The following ELAVL2 variants were observed in gnomAD, a reference collection of about 807,000 sequenced individuals.
The protein encoded by ELAVL2 is ELAV-like protein 2.
In ELAVL2, 4 loss-of-function variants were observed where a neutral mutation model predicts 34.6. That is an observed-to-expected ratio of 0.12 (90% confidence interval 0.06 to 0.26). The LOEUF is 0.26. Among genes scored for constraint, ELAVL2 ranks in the 10% least tolerant of loss-of-function variants. The pLI is 1.00. For synonymous variants in ELAVL2, 193 were observed against 154.8 expected, an observed-to-expected ratio of 1.25 and a Z score of -1.83; for missense variants, 432 against 442.8, an observed-to-expected ratio of 0.98 and a Z score of 0.22.
intron 1 of ELAVL2, among the ~76,000 whole-genome samples, chr9:23,804,355 C>A (rs2061950639): frequency 6.6e-6 from 1 of 151,872 alleles, no homozygotes; most frequent in Admixed American, 6.6e-5. Context: ...TGAACACTTT[C>A]AAAGAAAATA....
At chr9:23,833,286 C>T in the ELAVL2 span, among the ~76,000 whole-genome samples, 1 of 151,510 alleles carries the variant, frequency 6.6e-6, no homozygotes, top group South Asian at 2.1e-4. Flanking sequence ...TCCAATAATC[C>T]CATAACAAGA....
intron 1 of ELAVL2, among the ~76,000 whole-genome samples, chr9:23,773,357 C>T (rs531766446): frequency 6.7e-6 from 1 of 148,356 alleles, no homozygotes; most frequent in East Asian, 2.1e-4. Flanking sequence ...GGTCAATATG[C>T]TTAGATTGAT....
At chr9:23,704,846 G>T in intron 4 of ELAVL2, 72 bp downstream of exon 4, 1 of 1,577,562 alleles carries the variant, frequency 6.3e-7, no homozygotes, top group South Asian at 1.1e-5. Context: ...ACTGCTACAT[G>T]GAAAGACAGA....
rs1385893258 is a variant in ELAVL2, at chr9:23,692,397, T to C, written c.*160A>G. ...ATTTAAGAAGTTTTAATTCAAATACTAGCAATAAAAAATCTCACATATTTC... is the reference window on the plus strand; with the variant it reads ...ATTTAAGAAGTTTTAATTCAAATACCAGCAATAAAAAATCTCACATATTTC... On this transcript the variant is annotated 3_prime_UTR_variant, in exon 7 of 7. Transcript: ENST00000397312. The C allele has an allele frequency of 1.1e-5, 8 of 732,336 alleles. No homozygotes were observed. Among genetic ancestry groups the C allele is most frequent in the African/African-American group, 1.8e-5 (1 of 56,224 alleles). 45.4% of individuals were successfully genotyped at this position (732,336 alleles called of 1,614,324 possible).
At chr9:23,791,986 T>C (rs544128941) in intron 1 of ELAVL2, among the ~76,000 whole-genome samples, 8 of 152,318 alleles carry the variant, frequency 5.3e-5, no homozygotes, top group South Asian at 4.1e-4. Flanking sequence ...GGTATGCAAA[T>C]AGTCCCCAAC....
chr9:23,796,622 A>G (rs975495186), intron 1 of ELAVL2, among the ~76,000 whole-genome samples: 7 of 152,268 alleles, frequency 4.6e-5, no homozygotes, highest in Admixed American at 1.3e-4. Flanking sequence ...ATGGCTGTCT[A>G]TAAGTAAGAT....
chr9:23,777,022 G>A (rs2058317111), intron 1 of ELAVL2, among the ~76,000 whole-genome samples: 1 of 152,272 alleles, frequency 6.6e-6, no homozygotes, highest in African/African-American at 2.4e-5. Context: ...CCCATTTCCT[G>A]TTACAACTTC....
At chr9:23,746,134 T>C (rs2050422590) in intron 2 of ELAVL2, among the ~76,000 whole-genome samples, 1 of 152,160 alleles carries the variant, frequency 6.6e-6, no homozygotes, top group Non-Finnish European at 1.5e-5. Flanking sequence ...AGTAAATTGT[T>C]TGAAAGGCAC....
chr9:23,773,474 C>T (rs977545979), intron 1 of ELAVL2, among the ~76,000 whole-genome samples: 7 of 152,172 alleles, frequency 4.6e-5, no homozygotes, highest in African/African-American at 9.7e-5. Context: ...ACATTTGAAA[C>T]GAACGCTTAA....
chr9:23,729,012 A>G (rs191984540), intron 3 of ELAVL2, among the ~76,000 whole-genome samples: 2 of 152,138 alleles, frequency 1.3e-5, no homozygotes, highest in Non-Finnish European at 2.9e-5. Flanking sequence ...TCTTCCACAT[A>G]TTCAGCCCAA....
chr9:23,744,604 A>T (rs2135341549), intron 2 of ELAVL2, among the ~76,000 whole-genome samples: 1 of 152,290 alleles, frequency 6.6e-6, no homozygotes, highest in East Asian at 1.9e-4. Flanking sequence ...AACATTATTA[A>T]GGATTCTACT....
intron 1 of ELAVL2, among the ~76,000 whole-genome samples, chr9:23,768,985 C>T (rs2056830518): frequency 6.6e-6 from 1 of 152,086 alleles, no homozygotes; most frequent in Admixed American, 6.6e-5. Context: ...ATCTCTCAGG[C>T]TGGAAAGGTC....
At chr9:23,713,691 G>C (rs898732937) in intron 3 of ELAVL2, among the ~76,000 whole-genome samples, 2 of 152,134 alleles carry the variant, frequency 1.3e-5, no homozygotes, top group Non-Finnish European at 2.9e-5. Flanking sequence ...ATGTGAATAG[G>C]CTGCAACTGA....
chr9:23,728,371 C>T (rs1587795535), intron 3 of ELAVL2, among the ~76,000 whole-genome samples: 1 of 152,000 alleles, frequency 6.6e-6, no homozygotes, highest in East Asian at 1.9e-4. Flanking sequence ...AAGGGTATAC[C>T]AAAAAGTCGG....
At chr9:23,749,167 C>A (rs2051268413) in intron 2 of ELAVL2, among the ~76,000 whole-genome samples, 1 of 151,932 alleles carries the variant, frequency 6.6e-6, no homozygotes, top group African/African-American at 2.4e-5. Context: ...AAAAACATTT[C>A]TTTTTAAAGT....
chr9:23,761,562 ACATTAC>A (rs2055011576), intron 2 of ELAVL2, among the ~76,000 whole-genome samples: 1 of 152,100 alleles, frequency 6.6e-6, no homozygotes. Context: ...GACAATGTGA[ACATTAC>A]CATTTATTTT....
At chr9:23,740,783 G>A (rs749069341) in intron 2 of ELAVL2, among the ~76,000 whole-genome samples, 2 of 152,142 alleles carry the variant, frequency 1.3e-5, no homozygotes. Flanking sequence ...CATTTAAAAT[G>A]GGCCTTGATT....
chr9:23,699,091 C>G (rs1463749304), intron 5 of ELAVL2, among the ~76,000 whole-genome samples: 1 of 152,124 alleles, frequency 6.6e-6, no homozygotes, highest in East Asian at 1.9e-4. Flanking sequence ...AAAGAATTTT[C>G]AAGTTAATGA....
intron 2 of ELAVL2, 101 bp downstream of exon 2, chr9:23,761,905 A>C (rs1332237851): frequency 7.3e-7 from 1 of 1,377,844 alleles, no homozygotes; most frequent in Non-Finnish European, 9.6e-7. Flanking sequence ...TAGATATGTA[A>C]AATTGCAGCA....
Sources: allele counts gnomAD v4.1 joint callset (sites outside exome capture counted in the v4.1 genomes callset), GRCh38; gene constraint gnomAD v4.1.1; transcripts MANE v1.5; gene names NCBI Gene and HGNC (gene_info 2026-07-23, HGNC 2026-07-21).